AHCYL1: variants seen among roughly 807,000 people sequenced by gnomAD.
AHCYL1 encodes S-adenosylhomocysteine hydrolase-like protein 1.
Under a neutral mutation model 79.3 loss-of-function variants are expected in AHCYL1, and 20 were observed. That is an observed-to-expected ratio of 0.25 (90% CI 0.18 to 0.37). The LOEUF (loss-of-function observed/expected upper bound fraction) is 0.37, where lower values mean the gene tolerates loss of function less well. AHCYL1 is among the 10% of genes least tolerant of loss of function. The pLI is 1.00. For missense variants in AHCYL1, 330 were observed against 673.6 expected (o/e 0.49, Z 5.65); for synonymous variants, 223 against 242.2 (o/e 0.92, Z 0.74).
chr1:110,017,538 T>C lies in AHCYL1; in HGVS notation c.1007T>C (p.Ile336Thr), dbSNP rs200784996. The part of the protein sequence containing the change: ...CCAALKALGA[I>T]VYITEIDPIC... ...GCTGCTCTCAAAGCTCTTGGAGCAATTGTCTACATTACCGAAATCGACCCC... is the reference window on the plus strand; with the variant it reads ...GCTGCTCTCAAAGCTCTTGGAGCAACTGTCTACATTACCGAAATCGACCCC... The change falls in exon 10 of 17, where the codon ATT becomes ACT. Residue 336 changes from isoleucine (I) to threonine (T), a missense_variant. By Grantham distance (89) the Ile-to-Thr change is moderately conservative. Transcript: ENST00000369799. The C allele has an allele frequency of 1.2e-5, 20 of 1,614,042 alleles. No individual in the cohort carries two copies. The highest frequency in any genetic ancestry group is 1.5e-5 in the Non-Finnish European group (18 of 1,180,024).
chr1:110,017,400 C>A, intron 9 of AHCYL1, 95 bp from the exon 10 acceptor site: 1 of 1,157,986 alleles, frequency 8.6e-7, no homozygotes, highest in African/African-American at 1.5e-5. Flanking sequence ...CAGGCTATTT[C>A]ATGAAGGTTA....
At chr1:110,012,318 T>A in intron 3 of AHCYL1, 44 bp from the exon 4 acceptor site, 3 of 1,560,712 alleles carry the variant, frequency 1.9e-6, no homozygotes, top group Non-Finnish European at 2.6e-6. Flanking sequence ...GAACTGATGA[T>A]ACTGCTAGTG....
At chr1:110,004,086 GCATTGA>G (rs1186279639) in intron 1 of AHCYL1, 7 of 985,466 alleles carry the variant, frequency 7.1e-6, no homozygotes, top group Non-Finnish European at 8.4e-6. Flanking sequence ...CTCGCCGCGA[GCATTGA>G]CAGAAGATCT....
At chr1:109,986,193 G>A (rs980500509) in intron 1 of AHCYL1, among the ~76,000 whole-genome samples, 4 of 152,150 alleles carry the variant, frequency 2.6e-5, no homozygotes, top group Non-Finnish European at 4.4e-5. Flanking sequence ...TAAAGACAGA[G>A]TCTTACAAAG....
chr1:109,992,770 A>G (rs911907108), intron 1 of AHCYL1, among the ~76,000 whole-genome samples: 4 of 152,240 alleles, frequency 2.6e-5, no homozygotes, highest in Non-Finnish European at 5.9e-5. Context: ...TTAAGAGTTT[A>G]ATGAAAATCC....
At chr1:110,004,530 A>T in intron 1 of AHCYL1, 1 of 975,380 alleles carries the variant, frequency 1.0e-6, no homozygotes, top group Non-Finnish European at 1.2e-6. Flanking sequence ...TTGAAGTGAA[A>T]GGTATTCAGA....
At chr1:110,014,157 T>C (rs1341020554) in intron 5 of AHCYL1, among the ~76,000 whole-genome samples, 1 of 152,228 alleles carries the variant, frequency 6.6e-6, no homozygotes, top group African/African-American at 2.4e-5. Context: ...TTTTGGGTTT[T>C]TTTGTTTATT....
intron 1 of AHCYL1, chr1:109,995,618 A>G (rs1488071591): frequency 1.0e-6 from 1 of 979,560 alleles, no homozygotes; most frequent in Non-Finnish European, 1.2e-6. Flanking sequence ...AGCCTAGTAA[A>G]CTCAGTGTAC....
In AHCYL1 at chr1:110,012,914, C is replaced by G. The variant is rs767703467; in HGVS notation, c.495C>G (p.Leu165=). Residue 165 remains leucine (L), a synonymous_variant, in exon 5 of 17, where the codon CTC becomes CTG. Coordinates refer to ENST00000369799, the MANE Select transcript of AHCYL1 (RefSeq NM_006621.7). ...TAQTAVLIET[L]CALGAQCRWS... The stretch of plus-strand genomic sequence containing the variant: ...CTACACAGGTGTTGATTGAGACACT[C>G]TGTGCCCTGGGGGCTCAGTGCCGCT... 1 of 1,612,148 alleles carries G rather than the reference C, an allele frequency of 6.2e-7. No individual in the cohort carries two copies. The highest frequency in any genetic ancestry group is 1.1e-5 in the South Asian group (1 of 90,744).
chr1:109,998,469 AAAAT>A lies in AHCYL1; in HGVS notation c.121-10557_121-10554del, dbSNP rs1423641949. The stretch of plus-strand genomic sequence containing the variant: ...GACCCTGTCTCTAAAAAATAAAAAT[AAAAT>A]AAATAAAAATTATTATTTTTTTGAG... On this transcript the variant is annotated intron_variant, in intron 1 of 16. Coordinates refer to ENST00000369799, the MANE Select transcript of AHCYL1 (RefSeq NM_006621.7). Among the ~76,000 whole-genome samples the A allele has an allele frequency of 6.6e-5, 10 of 152,226 alleles. No homozygotes were observed. In the East Asian group the frequency reaches 1.5e-3, roughly 24 times the overall value.
At chr1:109,985,453 C>T (rs1649419521) in intron 1 of AHCYL1, 26 of 1,137,766 alleles carry the variant, frequency 2.3e-5, no homozygotes, top group Non-Finnish European at 2.5e-5. Flanking sequence ...GATGAAGGGC[C>T]TCGAAGACGA....
intron 1 of AHCYL1, among the ~76,000 whole-genome samples, chr1:110,000,701 A>G (rs546845429): frequency 6.6e-6 from 1 of 152,086 alleles, no homozygotes; most frequent in Non-Finnish European, 1.5e-5. Flanking sequence ...CTATTCCAAA[A>G]GAAGGAAAAT....
At chr1:109,990,885 T>C (rs1360042046) in intron 1 of AHCYL1, among the ~76,000 whole-genome samples, 1 of 152,206 alleles carries the variant, frequency 6.6e-6, no homozygotes, top group African/African-American at 2.4e-5. Context: ...TGCAAAGACT[T>C]CTGAACTGTG....
chr1:110,021,583 G>A lies in AHCYL1; in HGVS notation c.1587-91G>A. Reference sequence around the variant, plus strand: ...AGGGATCCCACCCAGGCTGGGGAGGGGCCCTGGAGAAGGTGCTCTGTTTCC... The same window carrying A: ...AGGGATCCCACCCAGGCTGGGGAGGAGCCCTGGAGAAGGTGCTCTGTTTCC... On this transcript the variant is annotated intron_variant, in intron 16 of 16. Coordinates refer to ENST00000369799, the MANE Select transcript of AHCYL1 (RefSeq NM_006621.7). 3.1e-6 allele frequency: 4 copies of A among 1,303,006 alleles called. No individual in the cohort carries two copies. The Admixed American group carries it at 7.2e-5, about 23-fold the overall frequency. 80.7% of individuals were successfully genotyped at this position (1,303,006 alleles called of 1,614,324 possible). A position where few individuals can be genotyped will look rare whatever the true frequency, so the allele number is the denominator to read the frequency against.
At chr1:110,016,579 T>A in intron 8 of AHCYL1, 88 bp from the exon 9 acceptor site, 1 of 1,584,626 alleles carries the variant, frequency 6.3e-7, no homozygotes, top group Non-Finnish European at 8.6e-7. Context: ...GATATTCTCA[T>A]GGGCATTGGC....
chr1:110,004,373 G>A, intron 1 of AHCYL1: 5 of 985,504 alleles, frequency 5.1e-6, no homozygotes, highest in Non-Finnish European at 6.0e-6. Flanking sequence ...CTGCACAAGG[G>A]AATGGAAGAA....
intron 1 of AHCYL1, among the ~76,000 whole-genome samples, chr1:110,008,223 T>A (rs1650791028): frequency 6.6e-6 from 1 of 152,064 alleles, no homozygotes; most frequent in Non-Finnish European, 1.5e-5. Context: ...GGCTTCACCG[T>A]CTTGGCCAGG....
chr1:110,006,037 T>C (rs778084019), intron 1 of AHCYL1, among the ~76,000 whole-genome samples: 1 of 152,216 alleles, frequency 6.6e-6, no homozygotes, highest in Non-Finnish European at 1.5e-5. Context: ...TTAAATAGCA[T>C]GTTAAACTGG....
intron 1 of AHCYL1, chr1:110,000,969 T>C (rs537924794): frequency 1.0e-6 from 1 of 985,048 alleles, no homozygotes; most frequent in African/African-American, 1.7e-5. Flanking sequence ...GCATTCAGGA[T>C]CTTGGTGTCC....
Sources: allele counts gnomAD v4.1 joint callset (sites outside exome capture counted in the v4.1 genomes callset), GRCh38; gene constraint gnomAD v4.1.1; transcripts MANE v1.5; gene names NCBI Gene and HGNC (gene_info 2026-07-23, HGNC 2026-07-21).